SGK1: variants seen among roughly 807,000 people sequenced by gnomAD.
SGK1 encodes serine/threonine-protein kinase Sgk1.
In SGK1, 26 loss-of-function variants were observed where a neutral mutation model predicts 64.2. The ratio of observed to expected loss-of-function variants is 0.40; its 90% CI spans 0.30 to 0.56. The LOEUF is 0.56. Ranked by LOEUF, SGK1 falls within the 20% of genes least tolerant of loss-of-function variation. The probability of loss-of-function intolerance (pLI) is 0.38; values close to 1 mark genes in which losing one functional copy is unlikely to be tolerated. For missense variants in SGK1, 519 were observed against 645.6 expected (o/e 0.80, Z 2.12); for synonymous variants, 265 against 239.7 (o/e 1.11, Z -0.98).
chr6:134,206,366 TATATATATATATA>T (rs1238252924), intron 3 of SGK1, among the ~76,000 whole-genome samples: 39 of 8,490 alleles, frequency 4.6e-3, no homozygotes, highest in African/African-American at 0.011. Context: ...TATATATATA[TATATATATATATA>T]TATATTTTTT....
chr6:134,263,309 T>C (rs1776795984), intron 1 of SGK1, among the ~76,000 whole-genome samples: 1 of 152,132 alleles, frequency 6.6e-6, no homozygotes, highest in African/African-American at 2.4e-5. Flanking sequence ...TAATCATGGC[T>C]CACTGCAGTC....
intron 2 of SGK1, among the ~76,000 whole-genome samples, chr6:134,235,273 T>C (rs1776344351): frequency 6.6e-6 from 1 of 152,172 alleles, no homozygotes. Context: ...GTGAGAGATG[T>C]GCTATGTAAG....
At position 134,174,508 on chromosome 6, in the gene SGK1, T is replaced by C. The variant is rs1253557372; in HGVS notation, c.437+3A>G. On this transcript the variant is annotated splice_donor_region_variant and intron_variant, in intron 4 of 13. Transcript: ENST00000367858. Reference sequence around the variant, plus strand: ...TTATTTCCTCAAATCCGGTCAAACTTACTGTTTGCATGCATAGGAGTTATT... The same window carrying C: ...TTATTTCCTCAAATCCGGTCAAACTCACTGTTTGCATGCATAGGAGTTATT... The C allele has an allele frequency of 1.9e-6, 3 of 1,607,748 alleles. No homozygotes were observed. The highest frequency in any genetic ancestry group is 1.7e-5 in the Admixed American group (1 of 59,994).
chr6:134,235,303 G>A (rs1776344919), intron 2 of SGK1, among the ~76,000 whole-genome samples: 1 of 152,146 alleles, frequency 6.6e-6, no homozygotes, highest in Non-Finnish European at 1.5e-5. Flanking sequence ...CGCTTCCAGG[G>A]CTAAGATTCA....
In SGK1 at chr6:134,280,579, A is replaced by G. The variant is rs150035361; in HGVS notation, c.70-18431T>C. On this transcript the variant is annotated intron_variant, in intron 1 of 13. Transcript: ENST00000367858. ...AGGCATGAGCCACCTCGCCTGGCCA[A>G]TTTAGCTTCTTCATTTGTGTTCCTC... is the stretch of plus-strand genomic sequence containing the variant. 2.1e-4 allele frequency among the ~76,000 whole-genome samples: 32 copies of G among 152,252 alleles called. No individual in the cohort carries two copies. The East Asian group carries it at 6.2e-3, about 29-fold the overall frequency.
intron 2 of SGK1, among the ~76,000 whole-genome samples, chr6:134,251,349 T>A (rs57903111): frequency 0.077 from 11,723 of 152,270 alleles, 584 homozygotes; most frequent in Admixed American, 0.15. Flanking sequence ...GTCTCAAAAC[T>A]ACTAAAACAG....
intron 2 of SGK1, among the ~76,000 whole-genome samples, chr6:134,238,214 A>C (rs1003311662): frequency 6.6e-6 from 1 of 152,256 alleles, no homozygotes; most frequent in Non-Finnish European, 1.5e-5. Flanking sequence ...ATTTCTCAAG[A>C]GAGCAAGAAA....
chr6:134,201,189 T>G (rs1775675434), intron 3 of SGK1, among the ~76,000 whole-genome samples: 1 of 149,934 alleles, frequency 6.7e-6, no homozygotes, highest in Non-Finnish European at 1.5e-5. Flanking sequence ...GCCTCCTGCA[T>G]AACTGGGACT....
At chr6:134,295,521 T>C (rs1777334582) in intron 1 of SGK1, among the ~76,000 whole-genome samples, 1 of 152,176 alleles carries the variant, frequency 6.6e-6, no homozygotes, top group Non-Finnish European at 1.5e-5. Flanking sequence ...CTGGCCATCA[T>C]GGCGAAACCT....
chr6:134,207,919 T>C (rs1775820394), intron 2 of SGK1, among the ~76,000 whole-genome samples: 1 of 150,032 alleles, frequency 6.7e-6, no homozygotes, highest in African/African-American at 2.5e-5. Flanking sequence ...TTAAATGCTT[T>C]TTTTGTTTGT....
At chr6:134,301,763 T>A (rs1398845258) in intron 1 of SGK1, among the ~76,000 whole-genome samples, 2 of 151,984 alleles carry the variant, frequency 1.3e-5, no homozygotes, top group African/African-American at 2.4e-5. Flanking sequence ...CTATTTTTTT[T>A]ATTATTATTT....
At chr6:134,170,558 C>A in intron 13 of SGK1, 123 bp from the exon 14 acceptor site, 1 of 919,110 alleles carries the variant, frequency 1.1e-6, no homozygotes. Flanking sequence ...TCACCCACTT[C>A]AAGCACAAAA....
chr6:134,226,335 C>A (rs1582726031), intron 2 of SGK1, among the ~76,000 whole-genome samples: 1 of 149,938 alleles, frequency 6.7e-6, no homozygotes, highest in Non-Finnish European at 1.5e-5. Flanking sequence ...CTGAATCCTG[C>A]CCCCCCTCAT....
chr6:134,198,726 A>ATTTTTTTTTTTT (rs1178699258), intron 3 of SGK1, among the ~76,000 whole-genome samples: 10 of 101,780 alleles, frequency 9.8e-5, no homozygotes, highest in East Asian at 2.9e-4. Context: ...CTCTTTTTCT[A>ATTTTTTTTTTTT]TTTTTTTTTT....
intron 2 of SGK1, among the ~76,000 whole-genome samples, chr6:134,223,323 G>A (rs148580366): frequency 0.012 from 1,834 of 151,302 alleles, 33 homozygotes; most frequent in African/African-American, 0.04. Flanking sequence ...AGCCGAGATC[G>A]TGCCATTGCA....
intron 1 of SGK1, among the ~76,000 whole-genome samples, chr6:134,286,985 G>A (rs539280174): frequency 3.9e-5 from 6 of 152,038 alleles, no homozygotes; most frequent in African/African-American, 1.2e-4. Context: ...TATTTTCTTG[G>A]AGAAGTCTTT....
At chr6:134,234,138 G>A (rs1051476338) in intron 2 of SGK1, among the ~76,000 whole-genome samples, 8 of 152,338 alleles carry the variant, frequency 5.3e-5, no homozygotes, top group Non-Finnish European at 8.8e-5. Context: ...GGTGGCTCAC[G>A]CCTGTGATTC....
At chr6:134,265,619 CATAT>C (rs1554225923) in intron 1 of SGK1, among the ~76,000 whole-genome samples, 4 of 129,854 alleles carry the variant, frequency 3.1e-5, no homozygotes, top group African/African-American at 1.3e-4. Flanking sequence ...TATATATATA[CATAT>C]ATATATATAC....
chr6:134,172,072 C>T, intron 10 of SGK1, 121 bp downstream of exon 10: 1 of 1,098,096 alleles, frequency 9.1e-7, no homozygotes, highest in Non-Finnish European at 1.3e-6. Context: ...TTTATTTGCA[C>T]TGAACTGTAT....
Sources: allele counts gnomAD v4.1 joint callset (sites outside exome capture counted in the v4.1 genomes callset), GRCh38; gene constraint gnomAD v4.1.1; transcripts MANE v1.5; gene names NCBI Gene and HGNC (gene_info 2026-07-23, HGNC 2026-07-21).